Variants in ZBED6 observed in about 807,000 individuals in gnomAD.
ZBED6 encodes the protein zinc finger BED domain-containing protein 6.
In ZBED6, 40 loss-of-function variants were observed where a neutral mutation model predicts 58.4. The ratio of observed to expected loss-of-function variants is 0.68; its 90% CI spans 0.53 to 0.89. The LOEUF (loss-of-function observed/expected upper bound fraction) is 0.89. Among genes scored for constraint, ZBED6 ranks in the 40% least tolerant of loss-of-function variants. The probability of loss-of-function intolerance (pLI) is 0.00; values close to 1 mark genes in which losing one functional copy is unlikely to be tolerated. For synonymous variants in ZBED6, 439 were observed against 350.6 expected (o/e 1.25, Z -2.82); for missense variants, 1,057 against 1,003.9 (o/e 1.05, Z -0.71).
intron 4 of ZBED6, among the ~76,000 whole-genome samples, chr1:203,829,091 C>T (rs1681451991): frequency 6.6e-6 from 1 of 152,148 alleles, no homozygotes; most frequent in African/African-American, 2.4e-5. Context: ...TGGTTTGGTT[C>T]AAGTAAGTGT....
intron 3 of ZBED6, among the ~76,000 whole-genome samples, chr1:203,824,516 T>G (rs935843599): frequency 6.6e-6 from 1 of 152,138 alleles, no homozygotes; most frequent in Non-Finnish European, 1.5e-5. Flanking sequence ...AATCAGTACT[T>G]GGCCATTCGT....
intron 1 of ZBED6, among the ~76,000 whole-genome samples, chr1:203,809,425 T>C (rs1455748908): frequency 6.6e-6 from 1 of 150,876 alleles, no homozygotes; most frequent in Non-Finnish European, 1.5e-5. Flanking sequence ...TCCGCCCATC[T>C]CCGAAATCCC....
chr1:203,804,396 C>T (rs1553258759), intron 1 of ZBED6, among the ~76,000 whole-genome samples: 1 of 151,938 alleles, frequency 6.6e-6, no homozygotes. Flanking sequence ...TCGTGATCCG[C>T]CCGCCTCGGC....
At chr1:203,819,136 GTATATGTGTGTATATACACACACGTGTA>G (rs1194758022) in intron 3 of ZBED6, among the ~76,000 whole-genome samples, 1 of 143,770 alleles carries the variant, frequency 7.0e-6, no homozygotes, top group African/African-American at 2.8e-5. Flanking sequence ...ATATACATAT[GTATATGTGTGTATATACACACACGTGTA>G]TATATGTGTG....
exon 1 of ZBED6, chr1:203,796,724 T>C (rs1341745198): frequency 2.8e-6 from 1 of 350,984 alleles, no homozygotes; most frequent in Admixed American, 4.7e-5. Flanking sequence ...TTACAGGCTG[T>C]AAAAGCTTCT....
chr1:203,842,813 TTC>T (rs1383332130), intron 11 of ZBED6, among the ~76,000 whole-genome samples: 5 of 151,644 alleles, frequency 3.3e-5, no homozygotes, highest in African/African-American at 1.2e-4. Flanking sequence ...TTTATATTCT[TTC>T]TGTGTTATAA....
At chr1:203,797,585 T>G in exon 1 of ZBED6, 1 of 1,534,320 alleles carries the variant, frequency 6.5e-7, no homozygotes, top group Non-Finnish European at 8.7e-7. Flanking sequence ...GATGCAACAC[T>G]TTTAGTGATT....
At chr1:203,840,345 C>T in exon 11 of ZBED6, 1 of 1,613,350 alleles carries the variant, frequency 6.2e-7, no homozygotes, top group Non-Finnish European at 8.5e-7. Context: ...TTAGGCATGT[C>T]AGCTGATCCA....
chr1:203,851,515 TG>T (rs1689251488), intron 16 of ZBED6, among the ~76,000 whole-genome samples: 1 of 152,004 alleles, frequency 6.6e-6, no homozygotes. Context: ...TTTTTAGTAG[TG>T]ACAGGGTTTT....
intron 3 of ZBED6, among the ~76,000 whole-genome samples, chr1:203,819,011 G>A (rs1277885249): frequency 6.6e-6 from 1 of 150,906 alleles, no homozygotes; most frequent in African/African-American, 2.4e-5. Context: ...GGAGGTTGCA[G>A]TGAGCTGAGA....
At chr1:203,817,003 TG>T in exon 2 of ZBED6, 2 of 1,179,936 alleles carry the variant, frequency 1.7e-6, no homozygotes, top group Non-Finnish European at 2.4e-6. Flanking sequence ...ACTTGGAGCC[TG>T]GTCCTTGCTT....
At chr1:203,795,692 G>A (rs1001048837), upstream of ZBED6, 1 of 152,254 alleles carries the variant, frequency 6.6e-6, no homozygotes, top group Non-Finnish European at 1.5e-5. Context: ...TGCTGCTGCT[G>A]CTGGGAGGAC....
rs1688285607 is a variant in ZBED6 at position 203,847,762 on chromosome 1, A to G, written c.*4245+75A>G. 2.6e-6 allele frequency: 4 copies of G among 1,536,756 alleles called. No homozygotes were observed. The South Asian group carries it at 5.1e-5, about 20-fold the overall frequency. ...GAGGAGTGTTCCGTGGGATCTTCCTAGGAGTTGTTTGACAACCTTTCTTTA... is the reference window on the plus strand; with the variant it reads ...GAGGAGTGTTCCGTGGGATCTTCCTGGGAGTTGTTTGACAACCTTTCTTTA... On this transcript the variant is annotated intron_variant, in intron 12 of 16. Coordinates refer to ENST00000550078, the Ensembl canonical transcript of ZBED6.
chr1:203,847,218 G>A (rs1167861001), exon 12 of ZBED6: 1 of 1,613,666 alleles, frequency 6.2e-7, no homozygotes, highest in Admixed American at 1.7e-5. Flanking sequence ...TCCATGTGAA[G>A]ACATTAGAAG....
intron 10 of ZBED6, among the ~76,000 whole-genome samples, chr1:203,839,084 G>A (rs1427431479): frequency 2.6e-5 from 4 of 152,312 alleles, no homozygotes; most frequent in South Asian, 2.1e-4. Context: ...GCATGCTGGC[G>A]TGGAGATGAG....
intron 1 of ZBED6, among the ~76,000 whole-genome samples, chr1:203,813,990 T>A (rs534026300): frequency 6.6e-6 from 1 of 151,442 alleles, no homozygotes; most frequent in Non-Finnish European, 1.5e-5. Flanking sequence ...TTTTGCAATA[T>A]GGATAGAGTG....
chr1:203,805,538 G>GT (rs1227711933), intron 1 of ZBED6: 52 of 550,824 alleles, frequency 9.4e-5, no homozygotes, highest in Admixed American at 1.7e-4. Flanking sequence ...GGACAGAAAC[G>GT]TATCTGTTAC....
intron 4 of ZBED6, 129 bp downstream of exon 4, chr1:203,828,551 T>G: frequency 8.7e-7 from 1 of 1,151,848 alleles, no homozygotes; most frequent in South Asian, 1.5e-5. Flanking sequence ...ACTTTACAGA[T>G]AAGTGAACTG....
chr1:203,847,828 C>T (rs898563848), intron 12 of ZBED6, 141 bp downstream of exon 12: 12 of 1,259,072 alleles, frequency 9.5e-6, no homozygotes, highest in Middle Eastern at 2.1e-4. Flanking sequence ...TGAAGTTTTT[C>T]AGTAGTGCTA....
Sources: allele counts gnomAD v4.1 joint callset (sites outside exome capture counted in the v4.1 genomes callset), GRCh38; gene constraint gnomAD v4.1.1; transcripts MANE v1.5; gene names NCBI Gene and HGNC (gene_info 2026-07-23, HGNC 2026-07-21).